UGT2B15: variants seen among roughly 807,000 people sequenced by gnomAD.
The protein encoded by UGT2B15 is UDP glucuronosyltransferase family 2 member B15.
UGT2B15 carries 36 observed loss-of-function variants against 45.9 expected under a neutral mutation model. The observed-to-expected ratio is 0.78, with a 90% CI of 0.60 to 1.04. The LOEUF is 1.04. Among genes scored for constraint, UGT2B15 ranks in the 50% least tolerant of loss-of-function variants. The pLI, the probability that UGT2B15 is intolerant of heterozygous loss-of-function variation, is 0.00. For missense variants in UGT2B15, 617 were observed against 622.4 expected (o/e 0.99, Z 0.09); for synonymous variants, 219 against 216.4 (o/e 1.01, Z -0.11).
chr4:68,667,283 T>C (rs1252161017), intron 2 of UGT2B15, among the ~76,000 whole-genome samples: 6 of 151,910 alleles, frequency 3.9e-5, no homozygotes, highest in African/African-American at 1.2e-4. Context: ...TGCCTCAGCC[T>C]CTTAAGTAGC....
intron 5 of UGT2B15, among the ~76,000 whole-genome samples, chr4:68,649,009 T>C (rs771620505): frequency 3.9e-5 from 6 of 151,966 alleles, no homozygotes; most frequent in Non-Finnish European, 4.4e-5. Flanking sequence ...TATTTATTCA[T>C]TTTTGTTGGA....
chr4:68,666,409 TG>T (rs1309750812), intron 2 of UGT2B15, among the ~76,000 whole-genome samples: 1 of 152,132 alleles, frequency 6.6e-6, no homozygotes, highest in African/African-American at 2.4e-5. Flanking sequence ...AAATAATGAC[TG>T]AAATAATCAT....
chr4:68,670,169 C>T lies in UGT2B15; in HGVS notation c.450G>A (p.Leu150=). ...CACCACAGGGATTAAGGGCATCTGC[C>T]AGAATGACATCAAACTTTGACTCTT... The part of the protein sequence containing the change: ...KLQESKFDVI[L]ADALNPCGEL... Residue 150 remains leucine (L), a synonymous_variant, in exon 1 of 6, where the codon CTG becomes CTA. Coordinates refer to ENST00000338206, the MANE Select transcript of UGT2B15 (RefSeq NM_001076.4). 1.2e-6 allele frequency: 2 copies of T among 1,613,992 alleles called. No individual in the cohort carries two copies. The highest frequency in any genetic ancestry group is 1.7e-6 in the Non-Finnish European group (2 of 1,179,956).
chr4:68,661,960 A>G (rs559846508), intron 3 of UGT2B15, among the ~76,000 whole-genome samples: 13 of 152,204 alleles, frequency 8.5e-5, no homozygotes, highest in African/African-American at 3.1e-4. Context: ...ATAGCCAGTC[A>G]TTACCATGTC....
Position 68,668,177 on chromosome 4 carries a change from T to C in UGT2B15, c.736A>G (p.Thr246Ala), listed in dbSNP as rs1235506844. Residue 246 changes from threonine to alanine, a missense_variant, in exon 2 of 6, where the codon ACA becomes GCA. By Grantham distance (58) the Thr-to-Ala change is moderately conservative (BLOSUM62 0). Around this residue, in one of 3 missense-constraint regions of UGT2B15, gnomAD observed 351 missense variants for 342.1 expected, o/e 1.03. Coordinates refer to ENST00000338206, the MANE Select transcript of UGT2B15 (RefSeq NM_001076.4). Reference protein sequence around the residue: ...FYSEVLGRPTTLFETMGKAEM... With the variant: ...FYSEVLGRPTALFETMGKAEM... ...GCTTTCCCCATTGTCTCAAATAATG[T>C]AGTGGGTCTTCCTGATGGAAAAAAA... 4 of 1,609,500 alleles carry C rather than the reference T, an allele frequency of 2.5e-6. No homozygotes were observed. Among genetic ancestry groups the C allele is most frequent in the Non-Finnish European group, 3.4e-6 (4 of 1,178,174 alleles).
At position 68,670,650 on chromosome 4, in the gene UGT2B15, G is replaced by T; in HGVS notation, c.-32C>A. On this transcript the variant is annotated 5_prime_UTR_variant, in exon 1 of 6. Transcript: ENST00000338206. ...CTTATGCAATGCTTCTTTTCCAGTT[G>T]TTGTTTCTTTCTGTCATTTCTCATA... is the stretch of plus-strand genomic sequence containing the variant. The T allele has an allele frequency of 2.6e-6, 4 of 1,522,416 alleles. No individual in the cohort carries two copies. Among genetic ancestry groups the T allele is most frequent in the Non-Finnish European group, 3.5e-6 (4 of 1,141,252 alleles). The allele number at this position is 1,522,416 out of a possible 1,614,324, so 94.3% of individuals were successfully genotyped here.
intron 3 of UGT2B15, 80 bp from the exon 4 acceptor site, chr4:68,655,262 A>T (rs1311153382): frequency 6.8e-7 from 1 of 1,476,380 alleles, no homozygotes; most frequent in South Asian, 1.2e-5. Context: ...AGAGATTAAT[A>T]ATCAGTTAGT....
At chr4:68,665,853 C>A (rs1311841232) in intron 2 of UGT2B15, among the ~76,000 whole-genome samples, 1 of 151,998 alleles carries the variant, frequency 6.6e-6, no homozygotes. Context: ...TCAAGACCAG[C>A]CTGGCCAACA....
At chr4:68,654,945 A>G in intron 4 of UGT2B15, 150 bp downstream of exon 4, 2 of 994,202 alleles carry the variant, frequency 2.0e-6, no homozygotes, top group Non-Finnish European at 3.0e-6. Context: ...TTTTTATACT[A>G]AGACTGGAAA....
intron 3 of UGT2B15, among the ~76,000 whole-genome samples, chr4:68,657,747 C>T (rs1434139753): frequency 2.0e-5 from 3 of 151,902 alleles, no homozygotes; most frequent in African/African-American, 7.3e-5. Flanking sequence ...TTTAAATTTG[C>T]TTTTATTTTT....
intron 5 of UGT2B15, 74 bp downstream of exon 5, chr4:68,653,963 C>T (rs368350390): frequency 8.0e-5 from 126 of 1,566,778 alleles, no homozygotes; most frequent in Admixed American, 2.3e-4. Flanking sequence ...CTCTTAAAAA[C>T]GGGTTAAAAT....
Position 68,662,512 on chromosome 4 carries a change from A to G in UGT2B15, c.1005+496T>C, listed in dbSNP as rs1385820350. On this transcript the variant is annotated intron_variant, in intron 3 of 5. Coordinates refer to ENST00000338206, the MANE Select transcript of UGT2B15 (RefSeq NM_001076.4). ...ACAGAACACTAAATAGACCTATTCC[A>G]ATACATGGGAAGTAAAAACAGCCAG... Among the ~76,000 whole-genome samples, 3 of 144,712 alleles carry G rather than the reference A, an allele frequency of 2.1e-5. No homozygotes were observed. The South Asian group carries it at 6.6e-4, about 32-fold the overall frequency. 94.9% of individuals were successfully genotyped at this position (144,712 alleles called of 152,430 possible).
intron 3 of UGT2B15, among the ~76,000 whole-genome samples, chr4:68,657,365 A>G (rs757929369): frequency 6.6e-6 from 1 of 152,180 alleles, no homozygotes; most frequent in Non-Finnish European, 1.5e-5. Context: ...GAGCCCTCTC[A>G]GAGGTCATAC....
chr4:68,647,150 C>G lies in UGT2B15; in HGVS notation c.1547G>C (p.Cys516Ser), dbSNP rs1318079122. Residue 516 changes from cysteine (C) to serine (S), a missense_variant, in exon 6 of 6, where the codon TGT becomes TCT. Cys to Ser is a moderately radical substitution (Grantham distance 112, BLOSUM62 -1). Around this residue, in one of 3 missense-constraint regions of UGT2B15, gnomAD observed 265 missense variants for 245.1 expected, o/e 1.08. Transcript: ENST00000338206. ...TCCTTTTTTGGCAAGCTTTCGGAAACAAAACAGGCAAAATTTTGTGATGAT... is the reference window on the plus strand; with the variant it reads ...TCCTTTTTTGGCAAGCTTTCGGAAAGAAAACAGGCAAAATTTTGTGATGAT... ...IFIITKFCLF[C>S]FRKLAKKGKK... 2 of 1,613,676 alleles carry G rather than the reference C, an allele frequency of 1.2e-6. No homozygotes were observed. Among genetic ancestry groups the G allele is most frequent in the Non-Finnish European group, 1.7e-6 (2 of 1,179,782 alleles).
chr4:68,661,759 A>C (rs1213854158), intron 3 of UGT2B15, among the ~76,000 whole-genome samples: 1 of 152,168 alleles, frequency 6.6e-6, no homozygotes, highest in Non-Finnish European at 1.5e-5. Context: ...ACACAAATTC[A>C]GACTATTATC....
chr4:68,659,595 C>A (rs1178194205), intron 3 of UGT2B15, among the ~76,000 whole-genome samples: 1 of 151,838 alleles, frequency 6.6e-6, no homozygotes, highest in Non-Finnish European at 1.5e-5. Flanking sequence ...TATTGTGTGC[C>A]ACAGAGGTAA....
In UGT2B15 at chr4:68,670,583, T is replaced by C. The variant is rs756700674; in HGVS notation, c.36A>G (p.Ile12Met). The change falls in exon 1 of 6, where the codon ATA becomes ATG. Residue 12 changes from isoleucine (I) to methionine (M), a missense_variant. By Grantham distance (10) the Ile-to-Met change is conservative. Coordinates refer to ENST00000338206, the MANE Select transcript of UGT2B15 (RefSeq NM_001076.4). ...SLKWTSVFLL[I>M]QLSCYFSSGS... Reference sequence around the variant, plus strand: ...CAGAGCTAAAGTAACAACTGAGCTGTATCAGCAGAAAGACTGACGTCCATT... The same window carrying C: ...CAGAGCTAAAGTAACAACTGAGCTGCATCAGCAGAAAGACTGACGTCCATT... The C allele has an allele frequency of 5.7e-6, 9 of 1,591,590 alleles. No homozygotes were observed. The highest frequency in any genetic ancestry group is 1.4e-5 in the African/African-American group (1 of 73,532).
intron 2 of UGT2B15, among the ~76,000 whole-genome samples, 170 bp from the exon 3 acceptor site, chr4:68,663,309 G>A (rs1733019629): frequency 6.6e-6 from 1 of 151,842 alleles, no homozygotes. Context: ...TATAATATAT[G>A]TGGGATCTTT....
Position 68,662,381 on chromosome 4 carries a change from G to A in UGT2B15, c.1005+627C>T, listed in dbSNP as rs1037692801. ...CATTAGCGGCACCCAAGTCAGCAGA[G>A]CAGACAAGTTTTTTTTTTTTTTCTC... On this transcript the variant is annotated intron_variant, in intron 3 of 5. Coordinates refer to ENST00000338206, the MANE Select transcript of UGT2B15 (RefSeq NM_001076.4). Among the ~76,000 whole-genome samples the A allele has an allele frequency of 9.9e-4, 145 of 146,682 alleles. 1 individual carries two copies. Among genetic ancestry groups the A allele is most frequent in the Non-Finnish European group, 1.9e-3 (130 of 67,118 alleles).
Sources: allele counts gnomAD v4.1 joint callset (sites outside exome capture counted in the v4.1 genomes callset), GRCh38; gene constraint gnomAD v4.1.1; regional missense constraint gnomAD v4.1.1; transcripts MANE v1.5; gene names NCBI Gene and HGNC (gene_info 2026-07-23, HGNC 2026-07-21).